AGBL1: variants seen among roughly 807,000 people sequenced by gnomAD.
AGBL1 encodes the protein cytosolic carboxypeptidase 4.
A neutral mutation model predicts 118.9 loss-of-function variants in AGBL1; 130 were observed. That is an observed-to-expected ratio of 1.09 (90% confidence interval 0.95 to 1.26). The LOEUF (loss-of-function observed/expected upper bound fraction) is 1.26. Among genes scored for constraint, AGBL1 ranks in the 50% most tolerant of loss-of-function variants. The probability of loss-of-function intolerance (pLI) is 0.00; values close to 1 mark genes in which losing one functional copy is unlikely to be tolerated. For missense variants in AGBL1, 1,584 were observed against 1,298.1 expected (o/e 1.22, Z -3.38); for synonymous variants, 555 against 478.9 (o/e 1.16, Z -2.08).
rs150301653 is a variant in AGBL1, at chr15:86,418,983, T to G, written c.2555+21437T>G. ...TTTTACTTCCATTGACTTAATGCTC[T>G]GTAGTACTAACCAAGTTCCCTCTTG... is the stretch of plus-strand genomic sequence containing the variant. On this transcript the variant is annotated intron_variant, in intron 18 of 22. Transcript: ENST00000614907. Among the ~76,000 whole-genome samples the G allele has an allele frequency of 3.2e-3, 482 of 152,314 alleles. 1 individual carries two copies. Among genetic ancestry groups the G allele is most frequent in the African/African-American group, 0.011 (455 of 41,566 alleles).
chr15:86,464,530 G>C (rs2082375136), intron 18 of AGBL1, among the ~76,000 whole-genome samples: 1 of 152,166 alleles, frequency 6.6e-6, no homozygotes, highest in Non-Finnish European at 1.5e-5. Flanking sequence ...TTTTCAAAGG[G>C]AATGCTTCCA....
intron 24 of AGBL1, among the ~76,000 whole-genome samples, chr15:87,023,627 G>A (rs923949426): frequency 2.0e-5 from 3 of 151,908 alleles, no homozygotes; most frequent in Admixed American, 1.3e-4. Flanking sequence ...ACCCTAGAAC[G>A]AATGGACTTA....
At chr15:86,795,438 G>A (rs2078555681) in intron 22 of AGBL1, among the ~76,000 whole-genome samples, 1 of 151,980 alleles carries the variant, frequency 6.6e-6, no homozygotes, top group Admixed American at 6.6e-5. Flanking sequence ...CATTACCTGG[G>A]ATGGGGAGCA....
chr15:86,203,772 A>G (rs1192665685), intron 5 of AGBL1, among the ~76,000 whole-genome samples: 1 of 152,032 alleles, frequency 6.6e-6, no homozygotes, highest in Non-Finnish European at 1.5e-5. Flanking sequence ...TCGTATTTCC[A>G]TTCTGAAATT....
At chr15:86,643,465 A>G (rs2085225384) in intron 21 of AGBL1, among the ~76,000 whole-genome samples, 1 of 152,140 alleles carries the variant, frequency 6.6e-6, no homozygotes, top group Non-Finnish European at 1.5e-5. Context: ...TATGCATAAT[A>G]TTGAGGACTT....
chr15:86,998,957 C>T (rs1429246823), intron 24 of AGBL1, among the ~76,000 whole-genome samples: 1 of 150,976 alleles, frequency 6.6e-6, no homozygotes, highest in Admixed American at 6.6e-5. Flanking sequence ...TGGTGTGCTG[C>T]ACTCATTAAC....
At chr15:86,706,824 G>T (rs1345748450) in intron 22 of AGBL1, among the ~76,000 whole-genome samples, 1 of 152,068 alleles carries the variant, frequency 6.6e-6, no homozygotes, top group Non-Finnish European at 1.5e-5. Context: ...CCAGGCACTT[G>T]CACTAATTTG....
At chr15:86,279,809 C>T (rs866401495) in intron 16 of AGBL1, 26 bp downstream of exon 16, 2 of 1,611,316 alleles carry the variant, frequency 1.2e-6, no homozygotes, top group African/African-American at 1.3e-5. Context: ...TAGCATCACT[C>T]CAGCAGGACT....
At chr15:86,967,046 T>C (rs900276755) in intron 23 of AGBL1, among the ~76,000 whole-genome samples, 1 of 152,198 alleles carries the variant, frequency 6.6e-6, no homozygotes, top group Non-Finnish European at 1.5e-5. Flanking sequence ...TATGTCGTTG[T>C]GGTTTTGATT....
chr15:86,495,843 CT>C (rs538275489), intron 18 of AGBL1, among the ~76,000 whole-genome samples: 19 of 150,150 alleles, frequency 1.3e-4, no homozygotes, highest in Admixed American at 4.0e-4. Context: ...CTTGCTTTTT[CT>C]TTTTTTTTCC....
At chr15:86,242,385 T>G (rs1248673276) in intron 6 of AGBL1, among the ~76,000 whole-genome samples, 3 of 152,234 alleles carry the variant, frequency 2.0e-5, no homozygotes, top group African/African-American at 7.2e-5. Flanking sequence ...ATTATCTCAT[T>G]TAATTCTCTC....
rs756313941 is a variant in AGBL1 at position 86,196,879 on chromosome 15, G to GCGCGCACACACACA, written c.489-28034_489-28033insGCGCACACACACAC. Among the ~76,000 whole-genome samples, 17 of 117,010 alleles carry GCGCGCACACACACA rather than the reference G, an allele frequency of 1.5e-4. No individual in the cohort carries two copies. In the South Asian group the frequency reaches 1.6e-3, roughly 11 times the overall value. The allele number at this position is 117,010 out of a possible 152,430, so 76.8% of individuals were successfully genotyped here. A position where few individuals can be genotyped will look rare whatever the true frequency, so the allele number is the denominator to read the frequency against. On this transcript the variant is annotated intron_variant, in intron 5 of 22. Coordinates refer to ENST00000614907, the MANE Select transcript of AGBL1 (RefSeq NM_001386094.1). ...CGAATGTGCACATGTGCGCGCGCGC[G>GCGCGCACACACACA]CACACACACACACACACACACACAC...
chr15:86,203,340 A>G (rs1567123428), intron 5 of AGBL1, among the ~76,000 whole-genome samples: 1 of 152,202 alleles, frequency 6.6e-6, no homozygotes, highest in African/African-American at 2.4e-5. Context: ...GTGCTACCCT[A>G]CCAAAAATAT....
At chr15:86,136,104 T>C (rs1007493388) in intron 1 of AGBL1, among the ~76,000 whole-genome samples, 11 of 152,212 alleles carry the variant, frequency 7.2e-5, no homozygotes, top group African/African-American at 2.7e-4. Context: ...CATCTGCCAG[T>C]TGAGTGGCAC....
chr15:86,596,090 G>T (rs1364126559), intron 21 of AGBL1, among the ~76,000 whole-genome samples: 1 of 151,998 alleles, frequency 6.6e-6, no homozygotes. Flanking sequence ...CTTGAGCCTA[G>T]GAGTTTGAGA....
At chr15:86,687,335 A>C (rs2086077851) in intron 22 of AGBL1, among the ~76,000 whole-genome samples, 1 of 152,044 alleles carries the variant, frequency 6.6e-6, no homozygotes, top group Non-Finnish European at 1.5e-5. Flanking sequence ...TTCTGTAGCC[A>C]ACAACCAAGA....
chr15:86,980,496 G>T (rs550691597), intron 23 of AGBL1, among the ~76,000 whole-genome samples: 3 of 152,266 alleles, frequency 2.0e-5, no homozygotes, highest in Admixed American at 2.0e-4. Context: ...TCCCTGGGAA[G>T]CCTAATCCTC....
chr15:86,704,461 C>T lies in AGBL1; in HGVS notation c.3158+30025C>T, dbSNP rs189592722. On this transcript the variant is annotated intron_variant, in intron 22 of 22. Transcript: ENST00000614907. ...TACAAGAAAAAAATAAACAGCCTTA[C>T]CAAAAAGTGGGCAAAGGATATGAAC... Among the ~76,000 whole-genome samples the T allele has an allele frequency of 4.1e-4, 62 of 152,134 alleles. 1 individual carries two copies. The East Asian group carries it at 0.01, about 26-fold the overall frequency.
At chr15:86,931,392 G>A (rs1054074094) in intron 23 of AGBL1, among the ~76,000 whole-genome samples, 5 of 152,102 alleles carry the variant, frequency 3.3e-5, no homozygotes, top group Non-Finnish European at 5.9e-5. Context: ...CTTGCTTGGC[G>A]CCTTGCAGAT....
Sources: allele counts gnomAD v4.1 joint callset (sites outside exome capture counted in the v4.1 genomes callset), GRCh38; gene constraint gnomAD v4.1.1; transcripts MANE v1.5; gene names NCBI Gene and HGNC (gene_info 2026-07-23, HGNC 2026-07-21).